MAD1L1: variants seen among roughly 807,000 people sequenced by gnomAD.
MAD1L1 encodes mitotic arrest deficient 1 like 1.
A neutral mutation model predicts 96.9 loss-of-function variants in MAD1L1; 95 were observed. The observed-to-expected ratio is 0.98, with a 90% CI of 0.83 to 1.16. MAD1L1 has a LOEUF of 1.16. MAD1L1 is among the 50% of genes most tolerant of loss of function. The pLI is 0.00. For missense variants in MAD1L1, 1,007 were observed against 954.4 expected, an observed-to-expected ratio of 1.06 and a Z score of -0.73; for synonymous variants, 473 against 396.6, an observed-to-expected ratio of 1.19 and a Z score of -2.29.
Position 1,815,816 on chromosome 7 carries a change from T to C in MAD1L1, c.*254A>G. ...AGTGTCTAGGGGAGAAGATTTTATT[T>C]CACAAGGTGAGGAACCCAGGCTGGT... On this transcript the variant is annotated 3_prime_UTR_variant, in exon 19 of 19. Transcript: ENST00000265854. 1 of 508,552 alleles carries C rather than the reference T, an allele frequency of 2.0e-6. No individual in the cohort carries two copies. The highest frequency in any genetic ancestry group is 3.5e-6 in the Non-Finnish European group (1 of 283,614). 31.5% of individuals were successfully genotyped at this position (508,552 alleles called of 1,614,324 possible).
Position 1,860,548 on chromosome 7 carries a change from C to G in MAD1L1, c.1998+37652G>C, listed in dbSNP as rs575877386. On this transcript the variant is annotated intron_variant, in intron 18 of 18. Transcript: ENST00000265854. The stretch of plus-strand genomic sequence containing the variant: ...CAACCTGCAGGGTGGCCTCTGTTTC[C>G]TGTCCCTCGTCCCTCACAAAACGCT... Among the ~76,000 whole-genome samples the G allele has an allele frequency of 3.9e-5, 6 of 152,282 alleles. No individual in the cohort carries two copies. The South Asian group carries it at 8.3e-4, about 21-fold the overall frequency.
chr7:2,150,297 C>T (rs1447949793), intron 10 of MAD1L1, among the ~76,000 whole-genome samples: 3 of 152,122 alleles, frequency 2.0e-5, no homozygotes, highest in South Asian at 2.1e-4. Context: ...GCCACGGCCA[C>T]GGAGAGGCAC....
intron 18 of MAD1L1, among the ~76,000 whole-genome samples, chr7:1,884,743 G>A (rs941718088): frequency 2.6e-5 from 4 of 152,220 alleles, no homozygotes; most frequent in African/African-American, 7.2e-5. Flanking sequence ...CCACGCCTGC[G>A]CCCTGAGGCC....
intron 16 of MAD1L1, among the ~76,000 whole-genome samples, chr7:1,938,572 C>T (rs911916409): frequency 6.6e-6 from 1 of 151,952 alleles, no homozygotes; most frequent in Non-Finnish European, 1.5e-5. Flanking sequence ...TAACCAAGGG[C>T]ATGTCAGAAA....
intron 17 of MAD1L1, among the ~76,000 whole-genome samples, chr7:1,909,646 C>T (rs1787888351): frequency 6.6e-6 from 1 of 152,162 alleles, no homozygotes; most frequent in African/African-American, 2.4e-5. Flanking sequence ...CTGCCGGCCC[C>T]AAATCCAAAT....
chr7:2,194,793 G>T (rs115660607), intron 10 of MAD1L1, among the ~76,000 whole-genome samples: 1 of 152,260 alleles, frequency 6.6e-6, no homozygotes, highest in African/African-American at 2.4e-5. Flanking sequence ...AAGTCTTTGG[G>T]CTGGACGCAG....
intron 17 of MAD1L1, among the ~76,000 whole-genome samples, chr7:1,906,269 C>T (rs1787626096): frequency 6.6e-6 from 1 of 152,174 alleles, no homozygotes; most frequent in South Asian, 2.1e-4. Flanking sequence ...GTTGTGTATG[C>T]CAACACCGCT....
chr7:2,132,231 G>A (rs1562716591), intron 11 of MAD1L1, among the ~76,000 whole-genome samples: 2 of 152,076 alleles, frequency 1.3e-5, no homozygotes, highest in African/African-American at 4.8e-5. Context: ...CTACCCTTCA[G>A]CCCCCAGGCA....
At chr7:2,212,087 G>A (rs1388183596) in intron 10 of MAD1L1, among the ~76,000 whole-genome samples, 1 of 151,278 alleles carries the variant, frequency 6.6e-6, no homozygotes, top group African/African-American at 2.4e-5. Context: ...GAGCTGCCAG[G>A]AGGTGGTCAC....
chr7:2,231,741 A>G (rs1794201663), intron 1 of MAD1L1, among the ~76,000 whole-genome samples: 1 of 152,210 alleles, frequency 6.6e-6, no homozygotes, highest in African/African-American at 2.4e-5. Flanking sequence ...TGACATTAAT[A>G]AGTACTACTA....
chr7:2,084,024 C>T (rs1785784543), intron 11 of MAD1L1, among the ~76,000 whole-genome samples: 1 of 152,206 alleles, frequency 6.6e-6, no homozygotes, highest in African/African-American at 2.4e-5. Flanking sequence ...GCACCCAACT[C>T]GGAGAAGAAT....
chr7:2,059,790 CA>C (rs1222114605), intron 12 of MAD1L1, among the ~76,000 whole-genome samples: 2 of 152,054 alleles, frequency 1.3e-5, no homozygotes, highest in African/African-American at 4.8e-5. Context: ...AGCATCAGAG[CA>C]AGGTTGTCAT....
chr7:1,958,122 A>G (rs1435715526), intron 15 of MAD1L1, among the ~76,000 whole-genome samples: 1 of 152,242 alleles, frequency 6.6e-6, no homozygotes, highest in Non-Finnish European at 1.5e-5. Context: ...ACCTCGGGAC[A>G]TCTTCAGAAA....
intron 12 of MAD1L1, among the ~76,000 whole-genome samples, chr7:2,060,883 C>A (rs1157532217): frequency 1.3e-5 from 2 of 152,262 alleles, no homozygotes; most frequent in Non-Finnish European, 2.9e-5. Context: ...GCACCAGCAT[C>A]AGCAAACGTC....
chr7:1,891,713 T>G (rs1261578770), intron 18 of MAD1L1, among the ~76,000 whole-genome samples: 1 of 152,096 alleles, frequency 6.6e-6, no homozygotes, highest in Non-Finnish European at 1.5e-5. Context: ...CTGGAGTAGC[T>G]GGGACGATAA....
intron 11 of MAD1L1, among the ~76,000 whole-genome samples, chr7:2,133,843 G>A (rs984697937): frequency 1.3e-5 from 2 of 152,188 alleles, no homozygotes; most frequent in Non-Finnish European, 1.5e-5. Flanking sequence ...GATCAGCCGA[G>A]TATATCTGTG....
Position 1,980,469 on chromosome 7 carries a change from C to A in MAD1L1, c.1489G>T (p.Glu497Ter). 1.2e-6 allele frequency: 2 copies of A among 1,612,668 alleles called. No homozygotes were observed. Among genetic ancestry groups the A allele is most frequent in the Non-Finnish European group, 1.7e-6 (2 of 1,179,598 alleles). ...GGGACGTACCTGAGCGTGTCCGCCT[C>A]CTCCCTGGAGAACAGGAAGCTCTGT... ...AEQSFLFSREEADTLRLKVEE... is the reference protein window; with the variant it reads ...AEQSFLFSRE The change falls in exon 15 of 19, where the codon GAG (glutamate) becomes TAG (stop). Residue 497 changes from glutamate (E) to a stop codon, truncating the protein, a stop_gained. Transcript: ENST00000265854. LOFTEE classifies it high-confidence loss of function.
chr7:1,826,600 G>A (rs2128623594), intron 18 of MAD1L1, among the ~76,000 whole-genome samples: 1 of 152,306 alleles, frequency 6.6e-6, no homozygotes, highest in Admixed American at 6.5e-5. Flanking sequence ...GCGTCCCTCG[G>A]GGGAGACGAC....
intron 12 of MAD1L1, among the ~76,000 whole-genome samples, chr7:2,045,044 G>A (rs1459476067): frequency 6.6e-6 from 1 of 152,212 alleles, no homozygotes; most frequent in East Asian, 1.9e-4. Context: ...TCTGAGCCAG[G>A]GCGCCCTGAC....
Sources: allele counts gnomAD v4.1 joint callset (sites outside exome capture counted in the v4.1 genomes callset), GRCh38; gene constraint gnomAD v4.1.1; transcripts MANE v1.5; gene names NCBI Gene and HGNC (gene_info 2026-07-23, HGNC 2026-07-21).